The following DAB1 variants were observed in gnomAD, a reference collection of about 807,000 sequenced individuals.
DAB1 encodes DAB adaptor protein 1.
In DAB1, 15 loss-of-function variants were observed where a neutral mutation model predicts 64.6. That is an observed-to-expected ratio of 0.23 (90% CI 0.16 to 0.36). The LOEUF (loss-of-function observed/expected upper bound fraction) is 0.36. Among genes scored for constraint, DAB1 ranks in the 10% least tolerant of loss-of-function variants. The pLI is 1.00. For missense variants in DAB1, 596 were observed against 706.7 expected, an observed-to-expected ratio of 0.84 and a Z score of 1.78; for synonymous variants, 235 against 251.9, an observed-to-expected ratio of 0.93 and a Z score of 0.64.
intron 4 of DAB1, among the ~76,000 whole-genome samples, chr1:57,092,999 T>C (rs1232624897): frequency 1.3e-5 from 2 of 152,124 alleles, no homozygotes; most frequent in African/African-American, 2.4e-5. Context: ...ACTCATGTCA[T>C]TCCCAGAAGA....
intron 8 of DAB1, among the ~76,000 whole-genome samples, chr1:57,067,727 T>C (rs1651060917): frequency 6.6e-6 from 1 of 152,084 alleles, no homozygotes; most frequent in Non-Finnish European, 1.5e-5. Flanking sequence ...TACAGATGAG[T>C]AAACTGAAGC....
chr1:57,504,618 A>T (rs1644324000), intron 7 of DAB1, among the ~76,000 whole-genome samples: 1 of 152,234 alleles, frequency 6.6e-6, no homozygotes, highest in African/African-American at 2.4e-5. Flanking sequence ...TAATTTATGT[A>T]AACACTAAAG....
intron 1 of DAB1, among the ~76,000 whole-genome samples, chr1:57,304,338 G>A (rs61767399): frequency 0.029 from 1,090 of 38,138 alleles, 28 homozygotes; most frequent in East Asian, 0.18. Context: ...ACCCTCCCCC[G>A]CTTCCAGTCA....
chr1:57,136,419 AG>A, intron 4 of DAB1, 123 bp downstream of exon 4: 1 of 474,748 alleles, frequency 2.1e-6, no homozygotes, highest in Admixed American at 3.9e-5. Context: ...GAGTTGATCA[AG>A]TTTGTCAGTT....
chr1:57,790,416 C>A (rs1029663514), intron 6 of DAB1, among the ~76,000 whole-genome samples: 2 of 152,130 alleles, frequency 1.3e-5, no homozygotes, highest in Non-Finnish European at 2.9e-5. Context: ...CTTCCCCAGC[C>A]CTGCAGAACT....
At chr1:57,356,675 T>C (rs1201239643) in intron 1 of DAB1, among the ~76,000 whole-genome samples, 17 of 152,060 alleles carry the variant, frequency 1.1e-4, no homozygotes, top group Admixed American at 8.5e-4. Context: ...CTTGAAAATA[T>C]AATGTGCTTT....
chr1:57,091,293 A>T (rs1221154446), intron 4 of DAB1, among the ~76,000 whole-genome samples: 4 of 151,006 alleles, frequency 2.6e-5, no homozygotes, highest in East Asian at 1.9e-4. Flanking sequence ...GTTTTGATTT[A>T]AAAAAAAATA....
chr1:58,363,340 A>T (rs1170457254), intron 3 of DAB1, among the ~76,000 whole-genome samples: 1 of 152,224 alleles, frequency 6.6e-6, no homozygotes, highest in Non-Finnish European at 1.5e-5. Context: ...AGGACCTATA[A>T]TGACCCACTG....
intron 5 of DAB1, among the ~76,000 whole-genome samples, chr1:58,097,697 T>G (rs533054241): frequency 8.5e-5 from 13 of 152,250 alleles, no homozygotes; most frequent in Middle Eastern, 3.4e-3. Flanking sequence ...ATGGTAGAGT[T>G]CCGAGGTAGG....
At chr1:57,048,468 A>G (rs921271907) in intron 9 of DAB1, among the ~76,000 whole-genome samples, 1 of 152,200 alleles carries the variant, frequency 6.6e-6, no homozygotes, top group Non-Finnish European at 1.5e-5. Flanking sequence ...CCTCCCAGAG[A>G]GCGGTCTTCC....
At chr1:58,472,049 T>C (rs1645365433) in intron 3 of DAB1, among the ~76,000 whole-genome samples, 1 of 152,236 alleles carries the variant, frequency 6.6e-6, no homozygotes, top group Non-Finnish European at 1.5e-5. Flanking sequence ...TCATAAATGT[T>C]AACTATTACT....
chr1:57,232,121 C>A (rs1404922821), intron 2 of DAB1, among the ~76,000 whole-genome samples: 1 of 152,038 alleles, frequency 6.6e-6, no homozygotes, highest in African/African-American at 2.4e-5. Flanking sequence ...GCCGCCCATG[C>A]CCTATTAAGA....
At chr1:57,507,467 A>G (rs1282820760) in intron 7 of DAB1, among the ~76,000 whole-genome samples, 1 of 152,206 alleles carries the variant, frequency 6.6e-6, no homozygotes, top group South Asian at 2.1e-4. Context: ...CACCTCAACT[A>G]TCTTAACTAC....
intron 7 of DAB1, among the ~76,000 whole-genome samples, chr1:57,629,374 C>A (rs961755089): frequency 6.6e-6 from 1 of 152,132 alleles, no homozygotes; most frequent in Non-Finnish European, 1.5e-5. Context: ...AAAACCCACC[C>A]ACCTACCATT....
At chr1:58,355,178 A>G (rs78143963) in intron 3 of DAB1, among the ~76,000 whole-genome samples, 2,304 of 152,270 alleles carry the variant, frequency 0.015, 64 homozygotes, top group African/African-American at 0.053. Flanking sequence ...TAAAAATGCA[A>G]TTGAGGGAAG....
chr1:57,344,986 AG>A (rs1399902574), intron 1 of DAB1, among the ~76,000 whole-genome samples: 1 of 152,176 alleles, frequency 6.6e-6, no homozygotes, highest in Non-Finnish European at 1.5e-5. Flanking sequence ...CTACCCCGAT[AG>A]GATATGCACT....
chr1:57,695,388 GAAAGA>G (rs1557427882), intron 6 of DAB1, among the ~76,000 whole-genome samples: 57 of 78,568 alleles, frequency 7.3e-4, no homozygotes, highest in African/African-American at 1.4e-3. Context: ...AAGAAAGAAA[GAAAGA>G]AAGAAAGAAA....
intron 1 of DAB1, among the ~76,000 whole-genome samples, chr1:57,882,151 AG>A (rs1644154066): frequency 6.6e-6 from 1 of 152,194 alleles, no homozygotes; most frequent in African/African-American, 2.4e-5. Context: ...TATGATAGAG[AG>A]TTGGAAGTCA....
At chr1:58,313,302 A>G (rs1662471813) in intron 4 of DAB1, among the ~76,000 whole-genome samples, 1 of 152,154 alleles carries the variant, frequency 6.6e-6, no homozygotes, top group Non-Finnish European at 1.5e-5. Context: ...CTTTGGGGCT[A>G]GTAGTAGGTG....
Sources: gnomAD v4.1 joint callset for allele counts (sites outside exome capture counted in the v4.1 genomes callset) on GRCh38, gnomAD v4.1.1 for gene constraint, MANE v1.5 for transcripts, NCBI Gene and HGNC (gene_info 2026-07-23, HGNC 2026-07-21) for gene names.